The following SV2C variants were observed in gnomAD, a reference collection of about 807,000 sequenced individuals.
SV2C encodes the protein solute carrier family 22 member B3.
A neutral mutation model predicts 79.7 loss-of-function variants in SV2C; 49 were observed. That is an observed-to-expected ratio of 0.61 (90% CI 0.49 to 0.78). SV2C has a LOEUF of 0.78. Ranked by LOEUF, SV2C falls within the 30% of genes least tolerant of loss-of-function variation. SV2C has a pLI of 0.00. For missense variants in SV2C, 833 were observed against 912.9 expected, an observed-to-expected ratio of 0.91 and a Z score of 1.13; for synonymous variants, 334 against 333.2, an observed-to-expected ratio of 1.00 and a Z score of -0.03.
Position 76,228,870 on chromosome 5 carries a change from G to A in SV2C, c.913+18983G>A, listed in dbSNP as rs77768424. 2.7e-3 allele frequency among the ~76,000 whole-genome samples: 404 copies of A among 152,294 alleles called. 8 individuals carry two copies. The East Asian group carries it at 0.046, about 17-fold the overall frequency. ...TTGCCCTAGGTCACCCAGCTAGTAA[G>A]GTGGAGGAGCTAGGATTCAGGGCCA... On this transcript the variant is annotated intron_variant, in intron 4 of 12. Transcript: ENST00000502798.
At chr5:76,160,949 A>G (rs1230363320) in intron 2 of SV2C, among the ~76,000 whole-genome samples, 1 of 82,106 alleles carries the variant, frequency 1.2e-5, no homozygotes, top group Non-Finnish European at 2.2e-5. Flanking sequence ...AAATGGTGTG[A>G]CCACTTTGGA....
chr5:75,882,764 G>A, the SV2C span, among the ~76,000 whole-genome samples: 2 of 150,624 alleles, frequency 1.3e-5, no homozygotes, highest in African/African-American at 4.9e-5. Flanking sequence ...ATGGATTAAA[G>A]ACTTACATGT....
chr5:76,147,698 T>C (rs929127084), intron 2 of SV2C, among the ~76,000 whole-genome samples: 3 of 152,184 alleles, frequency 2.0e-5, no homozygotes, highest in African/African-American at 7.2e-5. Flanking sequence ...TCACTTGCAG[T>C]CAGATAAAAT....
intron 12 of SV2C, among the ~76,000 whole-genome samples, chr5:76,342,396 G>C (rs1327652955): frequency 6.6e-6 from 1 of 152,208 alleles, no homozygotes; most frequent in Non-Finnish European, 1.5e-5. Context: ...CTAAAAAGAA[G>C]ACCAAAGAGC....
the SV2C span, among the ~76,000 whole-genome samples, chr5:76,069,452 C>T: frequency 6.6e-6 from 1 of 152,184 alleles, no homozygotes; most frequent in Non-Finnish European, 1.5e-5. Context: ...TTCTGCTGCC[C>T]TGTAGTGTAG....
At chr5:76,049,719 G>GT in the SV2C span, among the ~76,000 whole-genome samples, 3 of 152,090 alleles carry the variant, frequency 2.0e-5, no homozygotes, top group African/African-American at 7.2e-5. Context: ...TTTATTTTTT[G>GT]TTTTGTTTTA....
chr5:76,156,387 TAAAC>T (rs1320889944), intron 2 of SV2C, among the ~76,000 whole-genome samples: 2 of 152,026 alleles, frequency 1.3e-5, no homozygotes, highest in South Asian at 2.1e-4. Flanking sequence ...ACTAAAGAAA[TAAAC>T]AAATCACAAT....
chr5:75,943,295 G>A, the SV2C span, among the ~76,000 whole-genome samples: 1 of 152,170 alleles, frequency 6.6e-6, no homozygotes, highest in African/African-American at 2.4e-5. Context: ...ATGGGTACAA[G>A]TACTGATGGT....
chr5:76,233,603 A>T (rs1041077573), intron 4 of SV2C, among the ~76,000 whole-genome samples: 2 of 148,370 alleles, frequency 1.3e-5, no homozygotes, highest in African/African-American at 5.3e-5. Flanking sequence ...TATTATTTTG[A>T]AATATGTCCC....
At chr5:75,891,418 T>C in the SV2C span, among the ~76,000 whole-genome samples, 1 of 152,144 alleles carries the variant, frequency 6.6e-6, no homozygotes, top group African/African-American at 2.4e-5. Context: ...CTCACATTTC[T>C]AGGTTTATTT....
the SV2C span, among the ~76,000 whole-genome samples, chr5:76,069,265 C>T: frequency 6.6e-6 from 1 of 152,194 alleles, no homozygotes; most frequent in Non-Finnish European, 1.5e-5. Flanking sequence ...GCCTCCCCTT[C>T]CAGGCCATCT....
chr5:76,177,614 G>A (rs777928194), intron 2 of SV2C, among the ~76,000 whole-genome samples: 3 of 152,172 alleles, frequency 2.0e-5, no homozygotes, highest in Admixed American at 6.5e-5. Context: ...AGGCAAAACC[G>A]CAGATAAGGG....
At chr5:75,966,960 A>G in the SV2C span, among the ~76,000 whole-genome samples, 2 of 152,180 alleles carry the variant, frequency 1.3e-5, no homozygotes, top group Non-Finnish European at 2.9e-5. Context: ...TTACTAATAT[A>G]TATATTCACA....
At chr5:76,007,150 C>CTT in the SV2C span, among the ~76,000 whole-genome samples, 2 of 152,138 alleles carry the variant, frequency 1.3e-5, no homozygotes, top group Admixed American at 1.3e-4. Context: ...GCTCTAGAGT[C>CTT]TATGCAGTGA....
chr5:76,136,812 G>T (rs1485273613), intron 2 of SV2C, among the ~76,000 whole-genome samples: 1 of 152,210 alleles, frequency 6.6e-6, no homozygotes, highest in East Asian at 1.9e-4. Flanking sequence ...TGTTATAATT[G>T]CCCAATAGCC....
the SV2C span, among the ~76,000 whole-genome samples, chr5:75,863,204 T>C: frequency 2.0e-5 from 3 of 152,204 alleles, no homozygotes; most frequent in Admixed American, 2.0e-4. Context: ...GTGATGTCCC[T>C]GAACTTGGGC....
chr5:76,012,200 G>A, the SV2C span, among the ~76,000 whole-genome samples: 1 of 152,174 alleles, frequency 6.6e-6, no homozygotes, highest in Non-Finnish European at 1.5e-5. Flanking sequence ...TTCCACAATG[G>A]TTGAACTAAT....
chr5:76,336,152 A>ACCC (rs549063641), downstream of SV2C, among the ~76,000 whole-genome samples: 2 of 140,812 alleles, frequency 1.4e-5, no homozygotes, highest in South Asian at 2.3e-4. Flanking sequence ...GCGGGGGCTG[A>ACCC]CCCCCACCTC....
intron 4 of SV2C, among the ~76,000 whole-genome samples, chr5:76,271,640 T>TG (rs1746868213): frequency 3.2e-5 from 3 of 94,370 alleles, no homozygotes; most frequent in Non-Finnish European, 4.6e-5. Flanking sequence ...TTTTTTTTTT[T>TG]GTATTTTTAG....
Sources: allele counts gnomAD v4.1 joint callset (sites outside exome capture counted in the v4.1 genomes callset), GRCh38; gene constraint gnomAD v4.1.1; transcripts MANE v1.5; gene names NCBI Gene and HGNC (gene_info 2026-07-23, HGNC 2026-07-21).